ANKS4B: variants seen among roughly 807,000 people sequenced by gnomAD.
ANKS4B encodes the protein ankyrin repeat and sterile alpha motif domain containing 4B, also known as ankyrin repeat and SAM domain-containing protein 4B.
In ANKS4B, 21 loss-of-function variants were observed where a neutral mutation model predicts 20.2. The ratio of observed to expected loss-of-function variants is 1.04; its 90% CI spans 0.74 to 1.50. The LOEUF (loss-of-function observed/expected upper bound fraction) is 1.50, where lower values mean the gene tolerates loss of function less well. Ranked by LOEUF, ANKS4B falls within the 40% of genes most tolerant of loss-of-function variation. ANKS4B has a pLI of 0.00. For missense variants in ANKS4B, 473 were observed against 494.6 expected (o/e 0.96, Z 0.41); for synonymous variants, 179 against 194.5 (o/e 0.92, Z 0.66).
intron 1 of ANKS4B, among the ~76,000 whole-genome samples, 176 bp from the exon 2 acceptor site, chr16:21,249,555 T>A (rs2093336141): frequency 6.6e-6 from 1 of 152,202 alleles, no homozygotes; most frequent in Admixed American, 6.5e-5. Context: ...GGTTTTAAGA[T>A]GGGATGGTTC....
intron 1 of ANKS4B, among the ~76,000 whole-genome samples, chr16:21,240,111 T>C (rs1470614432): frequency 4.6e-5 from 7 of 152,214 alleles, no homozygotes; most frequent in Non-Finnish European, 1.0e-4. Context: ...AACTCTGGCT[T>C]TGTTAGAAAA....
rs893301806 is a variant in ANKS4B, at chr16:21,252,363, A to G, written c.*1543A>G. The G allele has an allele frequency of 1.3e-5, 2 of 152,264 alleles. No individual in the cohort carries two copies. The highest frequency in any genetic ancestry group is 2.9e-5 in the Non-Finnish European group (2 of 68,060). 9.4% of individuals were successfully genotyped at this position (152,264 alleles called of 1,614,324 possible). Reference sequence around the variant, plus strand: ...GGCCTCAGGAGAAACCAACCCTGCAATCACCTTGATCTTGGGCTTTCAGCC... The same window carrying G: ...GGCCTCAGGAGAAACCAACCCTGCAGTCACCTTGATCTTGGGCTTTCAGCC... On this transcript the variant is annotated 3_prime_UTR_variant, in exon 2 of 2. Transcript: ENST00000311620.
Position 21,250,946 on chromosome 16 carries a change from C to G in ANKS4B, c.*126C>G. The G allele has an allele frequency of 2.9e-6, 4 of 1,365,368 alleles. No homozygotes were observed. The highest frequency in any genetic ancestry group is 1.7e-5 in the South Asian group (1 of 59,906). 84.6% of individuals were successfully genotyped at this position (1,365,368 alleles called of 1,614,324 possible). ...ATTCTAGGGCATCGGAAATGCCTACCTGAGAGAGAGACCCAAACTTTACTC... is the reference window on the plus strand; with the variant it reads ...ATTCTAGGGCATCGGAAATGCCTACGTGAGAGAGAGACCCAAACTTTACTC... On this transcript the variant is annotated 3_prime_UTR_variant, in exon 2 of 2. Coordinates refer to ENST00000311620, the MANE Select transcript of ANKS4B (RefSeq NM_145865.3).
intron 1 of ANKS4B, among the ~76,000 whole-genome samples, chr16:21,235,482 C>T (rs1413826095): frequency 1.3e-5 from 2 of 152,090 alleles, no homozygotes; most frequent in African/African-American, 4.8e-5. Context: ...GGTAGGGAAG[C>T]TGCCAGAGTA....
At chr16:21,236,245 A>G (rs993500656) in intron 1 of ANKS4B, among the ~76,000 whole-genome samples, 6 of 152,178 alleles carry the variant, frequency 3.9e-5, no homozygotes, top group Non-Finnish European at 8.8e-5. Context: ...GCTCACTATC[A>G]TGAGGACAGT....
At position 21,241,589 on chromosome 16, in the gene ANKS4B, T is replaced by G. The variant is rs141453952; in HGVS notation, c.164+7688T>G. Among the ~76,000 whole-genome samples, 1,246 of 152,188 alleles carry G rather than the reference T, an allele frequency of 8.2e-3. 7 individuals are homozygous for G. The highest frequency in any genetic ancestry group is 0.013 in the Non-Finnish European group (864 of 68,012). On this transcript the variant is annotated intron_variant, in intron 1 of 1. Transcript: ENST00000311620. ...ACCACCCCCACTTAATTTTTGTAGT[T>G]TTAGTAGAGATGAGGTTTCACCATG... is the stretch of plus-strand genomic sequence containing the variant.
At chr16:21,239,721 T>C (rs1319189965) in intron 1 of ANKS4B, among the ~76,000 whole-genome samples, 1 of 152,204 alleles carries the variant, frequency 6.6e-6, no homozygotes, top group Admixed American at 6.5e-5. Context: ...CATGGAATAG[T>C]ATGCAGTCGA....
chr16:21,250,852 T>G lies in ANKS4B; in HGVS notation c.*32T>G, dbSNP rs560474206. 1 of 1,550,396 alleles carries G rather than the reference T, an allele frequency of 6.4e-7. No individual in the cohort carries two copies. Among genetic ancestry groups the G allele is most frequent in the Middle Eastern group, 2.4e-4 (1 of 4,200 alleles). On this transcript the variant is annotated 3_prime_UTR_variant, in exon 2 of 2. Transcript: ENST00000311620. ...GTTTTGGCCTGGAGCATTGGGGTGATGCTGTGGCCCGCTGGCAGCACTCCA... is the reference window on the plus strand; with the variant it reads ...GTTTTGGCCTGGAGCATTGGGGTGAGGCTGTGGCCCGCTGGCAGCACTCCA...
Position 21,249,773 on chromosome 16 carries a change from A to T in ANKS4B, c.207A>T (p.Leu69=). ...GTGACATCTGGGGAAACACTCCTCT[A>T]CATTTTGCAGCCTCCAATGGCCATG... ...DRCDIWGNTP[L]HFAASNGHAH... is the part of the protein sequence containing the mutation. Residue 69 remains leucine (L), a synonymous_variant, in exon 2 of 2, where the codon CTA becomes CTT. Transcript: ENST00000311620. 1 of 1,614,136 alleles carries T rather than the reference A, an allele frequency of 6.2e-7. No individual in the cohort carries two copies. Among genetic ancestry groups the T allele is most frequent in the Non-Finnish European group, 8.5e-7 (1 of 1,180,022 alleles).
Position 21,250,232 on chromosome 16 carries a change from A to G in ANKS4B, c.666A>G (p.Glu222=). The change falls in exon 2 of 2, where the codon GAA becomes GAG. Residue 222 remains glutamate, a synonymous_variant. Coordinates refer to ENST00000311620, the MANE Select transcript of ANKS4B (RefSeq NM_145865.3). ...NKDTAEQVGK[E]GRSGQRNVME... is the part of the protein sequence containing the mutation. ...ATACAGCAGAACAGGTGGGGAAGGA[A>G]GGCAGAAGTGGGCAGAGGAACGTGA... 2 of 1,614,212 alleles carry G rather than the reference A, an allele frequency of 1.2e-6. No individual in the cohort carries two copies. The highest frequency in any genetic ancestry group is 8.5e-7 in the Non-Finnish European group (1 of 1,180,038).
In ANKS4B at chr16:21,250,248, A is replaced by G. The variant is rs148626912; in HGVS notation, c.682A>G (p.Arg228Gly). ...GGGGAAGGAAGGCAGAAGTGGGCAG[A>G]GGAACGTGATGGAAGTGTTCAGAGA... The part of the protein sequence containing the change: ...QVGKEGRSGQ[R>G]NVMEVFREEE... Residue 228 changes from arginine to glycine, a missense_variant, in exon 2 of 2, where the codon AGG (arginine) becomes GGG (glycine). Physicochemically the swap from Arg to Gly is moderately radical, Grantham distance 125 (BLOSUM62 -2). Coordinates refer to ENST00000311620, the MANE Select transcript of ANKS4B (RefSeq NM_145865.3). 2,202 of 1,614,204 alleles carry G rather than the reference A, an allele frequency of 1.4e-3. 10 individuals carry two copies. Among genetic ancestry groups the G allele is most frequent in the Middle Eastern group, 8.9e-3 (54 of 6,062 alleles).
At position 21,251,575 on chromosome 16, in the gene ANKS4B, TG is replaced by T. The variant is rs1228882757; in HGVS notation, c.*756del. On this transcript the variant is annotated 3_prime_UTR_variant, in exon 2 of 2. Coordinates refer to ENST00000311620, the MANE Select transcript of ANKS4B (RefSeq NM_145865.3). Reference sequence around the variant, plus strand: ...GGGAATTCCAATTCTTTTTCTCTCCTGAGATCTATGACTTTGCCTAGTGGTA... The same window carrying T: ...GGGAATTCCAATTCTTTTTCTCTCCTAGATCTATGACTTTGCCTAGTGGTA... 6.6e-6 allele frequency: 1 copy of T among 152,264 alleles called. No individual in the cohort carries two copies. The highest frequency in any genetic ancestry group is 1.9e-4 in the East Asian group (1 of 5,200). The allele number at this position is 152,264 out of a possible 1,614,324, so 9.4% of individuals were successfully genotyped here. A position where few individuals can be genotyped will look rare whatever the true frequency, so the allele number is the denominator to read the frequency against.
intron 1 of ANKS4B, among the ~76,000 whole-genome samples, chr16:21,247,070 C>CA (rs1567226839): frequency 7.2e-6 from 1 of 139,290 alleles, no homozygotes; most frequent in Non-Finnish European, 1.6e-5. Context: ...TTTTGGTTTG[C>CA]TTTTTTTTTT....
intron 1 of ANKS4B, among the ~76,000 whole-genome samples, chr16:21,236,381 TCA>T (rs772791062): frequency 6.6e-6 from 1 of 152,164 alleles, no homozygotes; most frequent in Non-Finnish European, 1.5e-5. Flanking sequence ...CCACCAAATC[TCA>T]CAGATCCAAA....
At chr16:21,235,721 T>G (rs1422061971) in intron 1 of ANKS4B, among the ~76,000 whole-genome samples, 1 of 152,196 alleles carries the variant, frequency 6.6e-6, no homozygotes, top group Non-Finnish European at 1.5e-5. Context: ...GTTGACACCC[T>G]TTATTAAAAT....
rs751978288 is a variant in ANKS4B at position 21,250,625 on chromosome 16, G to A, written c.1059G>A (p.Leu353=). The stretch of plus-strand genomic sequence containing the variant: ...CCACGCCCCTGGAAGTGTTCTTGCT[G>A]TCTCAGCACCTGGAAGAATTCCTGC... ...VDATPLEVFL[L]SQHLEEFLPI... The change falls in exon 2 of 2, where the codon CTG becomes CTA. Residue 353 remains leucine, a synonymous_variant. Coordinates refer to ENST00000311620, the MANE Select transcript of ANKS4B (RefSeq NM_145865.3). The A allele has an allele frequency of 6.2e-7, 1 of 1,614,118 alleles. No individual in the cohort carries two copies. The highest frequency in any genetic ancestry group is 2.2e-5 in the East Asian group (1 of 44,882).
chr16:21,235,870 C>A (rs2093319702), intron 1 of ANKS4B, among the ~76,000 whole-genome samples: 1 of 152,142 alleles, frequency 6.6e-6, no homozygotes, highest in South Asian at 2.1e-4. Flanking sequence ...ACACATCGAT[C>A]CCCATCAGCC....
intron 1 of ANKS4B, among the ~76,000 whole-genome samples, chr16:21,235,304 A>G (rs777588315): frequency 6.6e-6 from 1 of 152,118 alleles, no homozygotes; most frequent in Non-Finnish European, 1.5e-5. Context: ...TGTTTTCCCT[A>G]AGATGGAAAA....
At chr16:21,245,561 C>T (rs1027436646) in intron 1 of ANKS4B, among the ~76,000 whole-genome samples, 2 of 152,066 alleles carry the variant, frequency 1.3e-5, no homozygotes, top group African/African-American at 4.8e-5. Flanking sequence ...GCAATCTCCA[C>T]CTCCCAGGTT....
Sources: allele counts gnomAD v4.1 joint callset (sites outside exome capture counted in the v4.1 genomes callset), GRCh38; gene constraint gnomAD v4.1.1; transcripts MANE v1.5; gene names NCBI Gene and HGNC (gene_info 2026-07-23, HGNC 2026-07-21).